LPAR5: variants seen among roughly 807,000 people sequenced by gnomAD.
The protein encoded by LPAR5 is G protein-coupled receptor 92.
For synonymous variants in LPAR5, 271 were observed against 261.6 expected, an observed-to-expected ratio of 1.04 and a Z score of -0.35; for missense variants, 544 against 521.8, an observed-to-expected ratio of 1.04 and a Z score of -0.41.
intron 1 of LPAR5, among the ~76,000 whole-genome samples, chr12:6,625,180 C>A (rs1349893814): frequency 6.6e-6 from 1 of 151,834 alleles, no homozygotes; most frequent in Non-Finnish European, 1.5e-5. Context: ...AATCCCAGCA[C>A]TTTGGGAGGC....
chr12:6,624,272 C>G (rs1344769766), intron 1 of LPAR5, among the ~76,000 whole-genome samples: 1 of 151,866 alleles, frequency 6.6e-6, no homozygotes, highest in Non-Finnish European at 1.5e-5. Context: ...TCTAATCCAT[C>G]GCACTCCGGC....
Position 6,620,437 on chromosome 12 carries a change from G to T in LPAR5, c.812C>A (p.Ala271Asp). 1 of 1,601,872 alleles carries T rather than the reference G, an allele frequency of 6.2e-7. No homozygotes were observed. Among genetic ancestry groups the T allele is most frequent in the South Asian group, 1.1e-5 (1 of 89,936 alleles). The change falls in exon 2 of 2, where the codon GCC (alanine) becomes GAC (aspartate). Residue 271 changes from alanine (A) to aspartate (D), a missense_variant. Ala to Asp is a moderately radical substitution (Grantham distance 126). Transcript: ENST00000329858. The surrounding 1 kb of genome is among the most constrained non-coding windows in gnomAD (Gnocchi z 6.8). ...CAGCACCCCGCGCACGCGATCGCGG[G>T]CAGGCACGCTGGCCGCCACCAGCTT... Reference protein sequence around the residue: ...RSKLVAASVPARDRVRGVLMV... With the variant: ...RSKLVAASVPDRDRVRGVLMV...
In LPAR5 at chr12:6,620,345, C is replaced by T. The variant is rs542097370; in HGVS notation, c.904G>A (p.Glu302Lys). ...LDPLVYYFSAEGFRNTLRGLG... is the reference protein window; with the variant it reads ...LDPLVYYFSAKGFRNTLRGLG... Reference sequence around the variant, plus strand: ...CCGCGCAGGGTGTTGCGGAAGCCCTCGGCGCTAAAGTAGTACACCAGCGGG... The same window carrying T: ...CCGCGCAGGGTGTTGCGGAAGCCCTTGGCGCTAAAGTAGTACACCAGCGGG... Residue 302 changes from glutamate to lysine, a missense_variant, in exon 2 of 2, where the codon GAG (glutamate) becomes AAG (lysine). Physicochemically the swap from Glu to Lys is moderately conservative, Grantham distance 56. Transcript: ENST00000329858. This position sits in a 1 kb window ranked among gnomAD's most constrained non-coding sequence, Gnocchi z 6.8. 4.4e-5 allele frequency: 71 copies of T among 1,610,664 alleles called. No individual in the cohort carries two copies. Among genetic ancestry groups the T allele is most frequent in the Non-Finnish European group, 5.7e-5 (67 of 1,178,794 alleles).
At chr12:6,624,743 C>T (rs1436807107) in intron 1 of LPAR5, among the ~76,000 whole-genome samples, 1 of 152,188 alleles carries the variant, frequency 6.6e-6, no homozygotes, top group Non-Finnish European at 1.5e-5. Flanking sequence ...GCCTCAGCCT[C>T]CCAAGTAGCT....
At chr12:6,622,401 C>T (rs1948903319) in intron 1 of LPAR5, among the ~76,000 whole-genome samples, 1 of 151,492 alleles carries the variant, frequency 6.6e-6, no homozygotes, top group East Asian at 1.9e-4. Flanking sequence ...GCACTCCAGC[C>T]TGGGCAACAA....
At position 6,621,103 on chromosome 12, in the gene LPAR5, C is replaced by G. The variant is rs747563779; in HGVS notation, c.146G>C (p.Arg49Pro). 7.5e-6 allele frequency: 12 copies of G among 1,602,438 alleles called. No individual in the cohort carries two copies. The highest frequency in any genetic ancestry group is 1.0e-5 in the Non-Finnish European group (12 of 1,173,680). The change falls in exon 2 of 2, where the codon CGC becomes CCC. Residue 49 changes from arginine (R) to proline (P), a missense_variant. Physicochemically the swap from Arg to Pro is moderately radical, Grantham distance 103. Coordinates refer to ENST00000329858, the MANE Select transcript of LPAR5 (RefSeq NM_020400.6). ...LNALALWVFL[R>P]ALRVHSVVSV... ...CACCACCGAGTGCACGCGCAGCGCG[C>G]GCAGGAAGACCCAGAGGGCTAGCGC... is the stretch of plus-strand genomic sequence containing the variant.
At chr12:6,632,463 AGTAT>A (rs911816624) in intron 1 of LPAR5, among the ~76,000 whole-genome samples, 2 of 152,136 alleles carry the variant, frequency 1.3e-5, no homozygotes, top group Non-Finnish European at 2.9e-5. Context: ...GTCCCTCTTT[AGTAT>A]GTACTCTAAC....
rs772683804 is a variant in LPAR5 at position 6,621,210 on chromosome 12, G to A, written c.39C>T (p.Leu13=). The A allele has an allele frequency of 5.9e-6, 9 of 1,534,796 alleles. No homozygotes were observed. The African/African-American group carries it at 1.2e-4, about 21-fold the overall frequency. The change falls in exon 2 of 2, where the codon CTC becomes CTT. Residue 13 remains leucine, a synonymous_variant. Transcript: ENST00000329858. ...GGGTAGGTCGGTAGTCAGGACACGG[G>A]AGAACAGAACTGTTGGTTGAGGAGC... ...ANSSSTNSSV[L]PCPDYRPTHR... is the part of the protein sequence containing the mutation.
At chr12:6,627,248 TGCC>T (rs1948947857) in intron 1 of LPAR5, among the ~76,000 whole-genome samples, 1 of 152,160 alleles carries the variant, frequency 6.6e-6, no homozygotes, top group African/African-American at 2.4e-5. Context: ...ACGAAGATCA[TGCC>T]ACTGCACTAC....
intron 1 of LPAR5, among the ~76,000 whole-genome samples, chr12:6,631,030 C>G (rs564513259): frequency 6.6e-6 from 1 of 152,150 alleles, no homozygotes; most frequent in Non-Finnish European, 1.5e-5. Flanking sequence ...CCCTCTCCCC[C>G]AATCCTGCCT....
At chr12:6,628,631 CT>C (rs1179212069) in intron 1 of LPAR5, among the ~76,000 whole-genome samples, 5,614 of 126,018 alleles carry the variant, frequency 0.045, 252 homozygotes, top group East Asian at 0.28. Context: ...CAGCTAATTT[CT>C]TTTTTTTTTT....
In LPAR5 at chr12:6,620,959, G is replaced by A; in HGVS notation, c.290C>T (p.Thr97Met). Residue 97 changes from threonine (T) to methionine (M), a missense_variant, in exon 2 of 2, where the codon ACG becomes ATG. Thr to Met is a moderately conservative substitution (Grantham distance 81). Transcript: ENST00000329858. The surrounding 1 kb of genome is among the most constrained non-coding windows in gnomAD (Gnocchi z 6.8). ...WPFPDLLCQT[T>M]GAIFQMNMYG... ...CATGTTCATCTGGAAGATGGCGCCC[G>A]TCGTCTGGCACAGGAGGTCGGGGAA... 2.5e-6 allele frequency: 4 copies of A among 1,612,876 alleles called. No individual in the cohort carries two copies. The highest frequency in any genetic ancestry group is 1.7e-4 in the Middle Eastern group (1 of 6,060).
At chr12:6,624,069 T>C (rs991302815) in intron 1 of LPAR5, among the ~76,000 whole-genome samples, 1 of 152,194 alleles carries the variant, frequency 6.6e-6, no homozygotes, top group Non-Finnish European at 1.5e-5. Flanking sequence ...CAAAGCAAAC[T>C]GGGTTCAGCT....
intron 1 of LPAR5, among the ~76,000 whole-genome samples, chr12:6,626,780 C>A (rs1172500849): frequency 6.6e-6 from 1 of 152,206 alleles, no homozygotes. Flanking sequence ...CAGGACTCTG[C>A]AAAGCCTTCC....
At chr12:6,622,497 C>T (rs762951589) in intron 1 of LPAR5, among the ~76,000 whole-genome samples, 19 of 151,290 alleles carry the variant, frequency 1.3e-4, no homozygotes, top group Non-Finnish European at 1.0e-4. Context: ...ATCTGTAATC[C>T]GAGCACTTTG....
At chr12:6,629,763 C>T (rs1948970050) in intron 1 of LPAR5, among the ~76,000 whole-genome samples, 1 of 151,944 alleles carries the variant, frequency 6.6e-6, no homozygotes, top group Non-Finnish European at 1.5e-5. Flanking sequence ...ATGGCTCACA[C>T]CTGTAATCCC....
chr12:6,620,625 GACC>G lies in LPAR5; in HGVS notation c.621_623del (p.Val208del). 1 of 1,552,300 alleles carries G rather than the reference GACC, an allele frequency of 6.4e-7. No individual in the cohort carries two copies. The highest frequency in any genetic ancestry group is 8.7e-7 in the Non-Finnish European group (1 of 1,148,760). On this transcript the variant is annotated inframe_deletion, in exon 2 of 2. Transcript: ENST00000329858. This position sits in a 1 kb window ranked among gnomAD's most constrained non-coding sequence, Gnocchi z 6.8. ...TCCAGAAGACTCGGCCCGACGAGTA[GACC>G]ACCGCCGCCAGGGGCAGCAGGAAGC...
Position 6,629,375 on chromosome 12 carries a change from CA to C in LPAR5, c.-217+6531del, listed in dbSNP as rs369669484. Among the ~76,000 whole-genome samples, 281 of 60,592 alleles carry C rather than the reference CA, an allele frequency of 4.6e-3. 1 individual carries two copies. Among genetic ancestry groups the C allele is most frequent in the Middle Eastern group, 0.014 (1 of 70 alleles). The allele number at this position is 60,592 out of a possible 152,430, so 39.8% of individuals were successfully genotyped here. ...TGGCCAACAGAGCGAGACTCTGTCT[CA>C]AAAAAAAAAAAAAAAGGGCCAAGCG... On this transcript the variant is annotated intron_variant, in intron 1 of 1. Coordinates refer to ENST00000329858, the MANE Select transcript of LPAR5 (RefSeq NM_020400.6).
chr12:6,626,255 A>G (rs1316045742), intron 1 of LPAR5, among the ~76,000 whole-genome samples: 1 of 152,174 alleles, frequency 6.6e-6, no homozygotes, highest in African/African-American at 2.4e-5. Flanking sequence ...AGCCTGGGCA[A>G]CAGAGCAAGA....
Sources: allele counts gnomAD v4.1 joint callset (sites outside exome capture counted in the v4.1 genomes callset), GRCh38; gene constraint gnomAD v4.1.1; non-coding constraint Gnocchi (gnomAD v3.1); transcripts MANE v1.5; gene names NCBI Gene and HGNC (gene_info 2026-07-23, HGNC 2026-07-21).